The following CSGALNACT1 variants were observed in gnomAD, a reference collection of about 807,000 sequenced individuals.
CSGALNACT1 encodes the protein beta4GalNAcT-1.
CSGALNACT1 carries 52 observed loss-of-function variants against 51.0 expected under a neutral mutation model. The ratio of observed to expected loss-of-function variants is 1.02; its 90% CI spans 0.82 to 1.29. The LOEUF (loss-of-function observed/expected upper bound fraction) is 1.29. CSGALNACT1 is among the 50% of genes most tolerant of loss of function. The pLI, the probability that CSGALNACT1 is intolerant of heterozygous loss-of-function variation, is 0.00. For synonymous variants in CSGALNACT1, 341 were observed against 254.4 expected (o/e 1.34, Z -3.24); for missense variants, 935 against 679.2 (o/e 1.38, Z -4.19).
chr8:19,553,834 A>C (rs1360564681), intron 3 of CSGALNACT1, among the ~76,000 whole-genome samples: 3 of 151,592 alleles, frequency 2.0e-5, no homozygotes, highest in Non-Finnish European at 2.9e-5. Context: ...CTGAGAAAAC[A>C]TTGCATTGAC....
intron 1 of CSGALNACT1, among the ~76,000 whole-genome samples, chr8:19,720,912 A>G (rs17409730): frequency 0.12 from 18,149 of 152,180 alleles, 1,197 homozygotes; most frequent in Non-Finnish European, 0.15. Context: ...AGTGGTAAGG[A>G]CGGCCCTGTG....
rs941632320 is a variant in CSGALNACT1, at chr8:19,577,554, A to G, written c.-297+13606T>C. On this transcript the variant is annotated intron_variant, in intron 3 of 9. Coordinates refer to ENST00000454498, the Ensembl canonical transcript of CSGALNACT1. ...CCAGCCTCAGTGACAGCAAGACCCT[A>G]TCTCAAAAAAAAAAAAAATTAAAAA... 9.5e-5 allele frequency among the ~76,000 whole-genome samples: 6 copies of G among 63,244 alleles called. No homozygotes were observed. In the Admixed American group the frequency reaches 1.2e-3, roughly 12 times the overall value. 41.5% of individuals were successfully genotyped at this position (63,244 alleles called of 152,430 possible). A position where few individuals can be genotyped will look rare whatever the true frequency, so the allele number is the denominator to read the frequency against.
intron 1 of CSGALNACT1, among the ~76,000 whole-genome samples, chr8:19,661,001 C>T (rs2058703937): frequency 6.6e-6 from 1 of 152,156 alleles, no homozygotes. Context: ...CAACCTCTGC[C>T]TCCTGGGTTC....
chr8:19,576,306 C>T (rs1289154597), intron 3 of CSGALNACT1, among the ~76,000 whole-genome samples: 2 of 71,930 alleles, frequency 2.8e-5, no homozygotes, highest in African/African-American at 1.2e-4. Flanking sequence ...TGAGATTCTC[C>T]TGCCTCAGCC....
exon 4 of CSGALNACT1, chr8:19,505,307 C>T: frequency 1.2e-6 from 2 of 1,614,196 alleles, no homozygotes; most frequent in Admixed American, 1.7e-5. Flanking sequence ...ACTCATCCCG[C>T]TTGTCCTTCC....
chr8:19,424,237 G>A (rs927591251), intron 6 of CSGALNACT1, among the ~76,000 whole-genome samples: 1 of 152,216 alleles, frequency 6.6e-6, no homozygotes, highest in African/African-American at 2.4e-5. Flanking sequence ...GGCAGTCACA[G>A]ACACTGGAGA....
chr8:19,460,698 C>T (rs1241013652), intron 4 of CSGALNACT1, among the ~76,000 whole-genome samples: 1 of 152,180 alleles, frequency 6.6e-6, no homozygotes, highest in Non-Finnish European at 1.5e-5. Context: ...TCTCTCCTGC[C>T]TAGAGTCAGT....
chr8:19,694,044 T>G (rs928520605), intron 1 of CSGALNACT1, among the ~76,000 whole-genome samples: 1 of 152,206 alleles, frequency 6.6e-6, no homozygotes, highest in Non-Finnish European at 1.5e-5. Context: ...AATCTTTTTT[T>G]AAGATTGAAT....
chr8:19,491,791 T>G (rs928367850), intron 4 of CSGALNACT1, among the ~76,000 whole-genome samples: 14 of 152,242 alleles, frequency 9.2e-5, no homozygotes, highest in South Asian at 2.1e-4. Context: ...GTGCAGTAAT[T>G]TGCAAACGAC....
At chr8:19,443,289 T>C (rs2061611494) in intron 5 of CSGALNACT1, among the ~76,000 whole-genome samples, 1 of 152,236 alleles carries the variant, frequency 6.6e-6, no homozygotes, top group African/African-American at 2.4e-5. Context: ...CATGTAAATG[T>C]ATGTATGTGT....
chr8:19,416,763 T>C (rs2056962279), intron 8 of CSGALNACT1, among the ~76,000 whole-genome samples: 1 of 152,234 alleles, frequency 6.6e-6, no homozygotes, highest in Non-Finnish European at 1.5e-5. Context: ...TATGTAGGAT[T>C]GCATAAGTGC....
intron 1 of CSGALNACT1, among the ~76,000 whole-genome samples, chr8:19,718,455 T>C (rs551275443): frequency 4.6e-5 from 7 of 152,296 alleles, no homozygotes; most frequent in Admixed American, 2.6e-4. Context: ...AAGCCAAAGA[T>C]TGAATTTGCA....
intron 1 of CSGALNACT1, among the ~76,000 whole-genome samples, chr8:19,752,341 T>A (rs186959871): frequency 6.6e-6 from 1 of 152,172 alleles, no homozygotes. Flanking sequence ...CTGCAGGAAC[T>A]TCAGCCCACT....
At chr8:19,698,184 A>C (rs919550985) in intron 1 of CSGALNACT1, among the ~76,000 whole-genome samples, 2 of 152,202 alleles carry the variant, frequency 1.3e-5, no homozygotes, top group African/African-American at 4.8e-5. Flanking sequence ...ATTTTTAAAA[A>C]ATAAGAAATT....
intron 1 of CSGALNACT1, among the ~76,000 whole-genome samples, chr8:19,689,712 A>G (rs950001052): frequency 6.6e-6 from 1 of 152,216 alleles, no homozygotes; most frequent in African/African-American, 2.4e-5. Flanking sequence ...CACTCATGCT[A>G]AAGTTCCACA....
chr8:19,509,510 T>C (rs1242721738), intron 3 of CSGALNACT1, among the ~76,000 whole-genome samples: 3 of 149,988 alleles, frequency 2.0e-5, no homozygotes, highest in Non-Finnish European at 4.4e-5. Flanking sequence ...TAATCCTAGC[T>C]AATGTGGAGG....
intron 3 of CSGALNACT1, among the ~76,000 whole-genome samples, chr8:19,519,637 G>A (rs2080249327): frequency 6.6e-6 from 1 of 152,170 alleles, no homozygotes; most frequent in South Asian, 2.1e-4. Context: ...GGCGAGAGTT[G>A]GAGGATACAT....
At chr8:19,656,574 G>C (rs1434517143) in intron 1 of CSGALNACT1, among the ~76,000 whole-genome samples, 1 of 143,904 alleles carries the variant, frequency 6.9e-6, no homozygotes. Context: ...CAGTGACCAA[G>C]AACCAGGAGA....
At chr8:19,602,764 A>G (rs912798229), upstream of CSGALNACT1, 10 of 152,172 alleles carry the variant, frequency 6.6e-5, no homozygotes, top group African/African-American at 2.4e-4. Context: ...CAGAATGGGA[A>G]AGAGGTGCAA....
Sources: allele counts gnomAD v4.1 joint callset (sites outside exome capture counted in the v4.1 genomes callset), GRCh38; gene constraint gnomAD v4.1.1; transcripts MANE v1.5; gene names NCBI Gene and HGNC (gene_info 2026-07-23, HGNC 2026-07-21).